Variants in ZBBX observed in about 807,000 individuals in gnomAD.
The protein encoded by ZBBX is zinc finger B-box domain-containing protein 1.
Under a neutral mutation model 108.5 loss-of-function variants are expected in ZBBX, and 101 were observed. That is an observed-to-expected ratio of 0.93 (90% CI 0.79 to 1.10). The LOEUF (loss-of-function observed/expected upper bound fraction) is 1.10. ZBBX is among the 50% of genes least tolerant of loss of function. The probability of loss-of-function intolerance (pLI) is 0.00; values close to 1 mark genes in which losing one functional copy is unlikely to be tolerated. For synonymous variants in ZBBX, 356 were observed against 323.4 expected (o/e 1.10, Z -1.08); for missense variants, 1,009 against 941.4 (o/e 1.07, Z -0.94).
Position 167,335,935 on chromosome 3 carries a change from A to T in ZBBX, c.529-1950T>A, listed in dbSNP as rs188860531. 3.6e-4 allele frequency among the ~76,000 whole-genome samples: 55 copies of T among 152,184 alleles called. No homozygotes were observed. The East Asian group carries it at 9.9e-3, about 27-fold the overall frequency. The stretch of plus-strand genomic sequence containing the variant: ...TTTAAAAGAAATTCAAGTCAATGGT[A>T]ATGCTTCACTCTTTCAGAAACATCT... On this transcript the variant is annotated intron_variant, in intron 9 of 21. Transcript: ENST00000675490.
At chr3:167,225,336 T>C in the ZBBX span, among the ~76,000 whole-genome samples, 1 of 151,846 alleles carries the variant, frequency 6.6e-6, no homozygotes, top group Non-Finnish European at 1.5e-5. Flanking sequence ...CTTAAGAAAA[T>C]AGTGTATCTT....
At chr3:167,328,667 C>T (rs1737849239) in intron 10 of ZBBX, among the ~76,000 whole-genome samples, 1 of 152,126 alleles carries the variant, frequency 6.6e-6, no homozygotes, top group African/African-American at 2.4e-5. Flanking sequence ...GCTAGTCTCA[C>T]ATTCTTGCAG....
the ZBBX span, among the ~76,000 whole-genome samples, chr3:167,180,779 T>C: frequency 6.6e-6 from 1 of 152,218 alleles, no homozygotes; most frequent in Non-Finnish European, 1.5e-5. Flanking sequence ...AAGGGGATAG[T>C]AAAGAAACAG....
chr3:167,248,548 G>A (rs1355971701), intron 20 of ZBBX: 3 of 439,550 alleles, frequency 6.8e-6, no homozygotes, highest in East Asian at 7.1e-5. Flanking sequence ...ACTGATAACT[G>A]CAAATTCGAC....
At chr3:167,304,057 T>C (rs1245960308) in intron 17 of ZBBX, among the ~76,000 whole-genome samples, 1 of 152,196 alleles carries the variant, frequency 6.6e-6, no homozygotes, top group South Asian at 2.1e-4. Flanking sequence ...ATGTTAGAAA[T>C]TTTTATTGGC....
rs184476120 is a variant in ZBBX at position 167,283,641 on chromosome 3, T to G, written c.1997-1146A>C. Among the ~76,000 whole-genome samples the G allele has an allele frequency of 4.0e-3, 602 of 152,242 alleles. 7 individuals are homozygous for G. Among genetic ancestry groups the G allele is most frequent in the African/African-American group, 0.013 (558 of 41,544 alleles). On this transcript the variant is annotated intron_variant, in intron 19 of 21. Transcript: ENST00000675490. ...TATTTAATGACTATTGAGTTGTTTT[T>G]GGGGGGTTTTGGGAGTTTTTTTGGA...
the ZBBX span, among the ~76,000 whole-genome samples, chr3:167,217,083 T>C: frequency 6.6e-6 from 1 of 152,182 alleles, no homozygotes; most frequent in Non-Finnish European, 1.5e-5. Context: ...ATGACGAAGA[T>C]GCCAAAAGCA....
chr3:167,237,935 C>G (rs759734367), downstream of ZBBX, among the ~76,000 whole-genome samples: 9 of 151,830 alleles, frequency 5.9e-5, no homozygotes, highest in Non-Finnish European at 1.3e-4. Flanking sequence ...CAAGAGAAAA[C>G]AGTAGTGGTC....
intron 2 of ZBBX, among the ~76,000 whole-genome samples, chr3:167,375,241 C>A (rs1474273980): frequency 1.3e-5 from 2 of 152,272 alleles, no homozygotes; most frequent in East Asian, 1.9e-4. Context: ...TATATTTCAA[C>A]GATGCAACCA....
intron 20 of ZBBX, among the ~76,000 whole-genome samples, chr3:167,270,845 C>T (rs1341415993): frequency 6.6e-6 from 1 of 152,192 alleles, no homozygotes; most frequent in African/African-American, 2.4e-5. Context: ...ATTCACTCAA[C>T]CCAGCAGGTT....
intron 17 of ZBBX, among the ~76,000 whole-genome samples, chr3:167,302,101 T>C (rs1732796307): frequency 6.6e-6 from 1 of 152,178 alleles, no homozygotes; most frequent in African/African-American, 2.4e-5. Flanking sequence ...TGAAACTTCC[T>C]TTGTGGATTT....
Position 167,322,103 on chromosome 3 carries a change from A to G in ZBBX, c.983+14T>C. ...TTTCATATTTCCTAATAGTATTATA[A>G]TTTCAGAAAATACCTCCTGTGTTTT... On this transcript the variant is annotated intron_variant, in intron 12 of 21. Transcript: ENST00000675490. 2 of 1,224,136 alleles carry G rather than the reference A, an allele frequency of 1.6e-6. No homozygotes were observed. The highest frequency in any genetic ancestry group is 2.3e-5 in the South Asian group (1 of 42,764). 75.8% of individuals were successfully genotyped at this position (1,224,136 alleles called of 1,614,324 possible).
chr3:167,275,099 C>T lies in ZBBX; in HGVS notation c.2254+7139G>A, dbSNP rs999448104. Among the ~76,000 whole-genome samples, 16 of 152,048 alleles carry T rather than the reference C, an allele frequency of 1.1e-4. No individual in the cohort carries two copies. In the East Asian group the frequency reaches 2.1e-3, roughly 20 times the overall value. On this transcript the variant is annotated intron_variant, in intron 20 of 21. Transcript: ENST00000675490. ...TTAATTTTAATTTGATTTTGATTTT[C>T]CTTTTATTAAGTTGGCTAAATATAT...
At chr3:167,221,001 C>T in the ZBBX span, among the ~76,000 whole-genome samples, 2 of 151,450 alleles carry the variant, frequency 1.3e-5, no homozygotes, top group Non-Finnish European at 3.0e-5. Context: ...ATTAACTTAA[C>T]CAAAGAAGTG....
intron 1 of ZBBX, among the ~76,000 whole-genome samples, chr3:167,394,338 C>G (rs1005743932): frequency 6.6e-5 from 10 of 151,904 alleles, no homozygotes; most frequent in Non-Finnish European, 1.5e-4. Flanking sequence ...TTTATCCCCA[C>G]TGGAAATAGT....
chr3:167,261,737 G>A (rs2108421306), intron 20 of ZBBX, among the ~76,000 whole-genome samples: 1 of 145,532 alleles, frequency 6.9e-6, no homozygotes, highest in Admixed American at 7.1e-5. Context: ...AGCTATATGG[G>A]TTTGAAAACT....
intron 20 of ZBBX, among the ~76,000 whole-genome samples, chr3:167,277,061 A>G (rs1727728420): frequency 6.6e-6 from 1 of 152,148 alleles, no homozygotes; most frequent in African/African-American, 2.4e-5. Flanking sequence ...TTTTATCACC[A>G]CCAGGCCTGC....
chr3:167,254,761 T>TA (rs937747032), intron 20 of ZBBX, among the ~76,000 whole-genome samples: 12 of 151,802 alleles, frequency 7.9e-5, no homozygotes, highest in Admixed American at 1.3e-4. Flanking sequence ...ACCCTGTGTT[T>TA]AAAAAAAATG....
At chr3:167,221,124 T>C in the ZBBX span, among the ~76,000 whole-genome samples, 2 of 151,984 alleles carry the variant, frequency 1.3e-5, no homozygotes, top group Admixed American at 6.6e-5. Flanking sequence ...ATTGTTACTA[T>C]GTTCATACTA....
Sources: gnomAD v4.1 joint callset for allele counts (sites outside exome capture counted in the v4.1 genomes callset) on GRCh38, gnomAD v4.1.1 for gene constraint, MANE v1.5 for transcripts, NCBI Gene and HGNC (gene_info 2026-07-23, HGNC 2026-07-21) for gene names.